SRGAP3: variants seen among roughly 807,000 people sequenced by gnomAD.
The protein encoded by SRGAP3 is SLIT-ROBO Rho GTPase activating protein 3, also known as SLIT-ROBO Rho GTPase-activating protein 3.
In SRGAP3, 39 loss-of-function variants were observed where a neutral mutation model predicts 121.1. The ratio of observed to expected loss-of-function variants is 0.32; its 90% CI spans 0.25 to 0.42. SRGAP3 has a LOEUF of 0.42. Among genes scored for constraint, SRGAP3 ranks in the 10% least tolerant of loss-of-function variants. The pLI, the probability that SRGAP3 is intolerant of heterozygous loss-of-function variation, is 1.00. For missense variants in SRGAP3, 1,213 were observed against 1,470.6 expected, an observed-to-expected ratio of 0.82 and a Z score of 2.86; for synonymous variants, 601 against 570.0, an observed-to-expected ratio of 1.05 and a Z score of -0.77.
At chr3:9,191,605 C>A (rs971831669) in intron 1 of SRGAP3, among the ~76,000 whole-genome samples, 1 of 152,136 alleles carries the variant, frequency 6.6e-6, no homozygotes, top group African/African-American at 2.4e-5. Context: ...GAATTCAAGG[C>A]AGAAGGAACA....
intron 3 of SRGAP3, among the ~76,000 whole-genome samples, chr3:9,301,997 T>G (rs57153919): frequency 6.6e-6 from 1 of 152,064 alleles, no homozygotes; most frequent in African/African-American, 2.4e-5. Flanking sequence ...ACCTAAACTC[T>G]TCTATCCAGG....
intron 1 of SRGAP3, among the ~76,000 whole-genome samples, chr3:9,203,688 T>C (rs547546362): frequency 2.0e-5 from 3 of 152,338 alleles, no homozygotes; most frequent in Non-Finnish European, 4.4e-5. Flanking sequence ...GTTTATTCAA[T>C]ATTGTATGCC....
chr3:9,191,230 T>C (rs1574841916), intron 1 of SRGAP3, among the ~76,000 whole-genome samples: 1 of 152,056 alleles, frequency 6.6e-6, no homozygotes, highest in East Asian at 1.9e-4. Flanking sequence ...CACTATGGTC[T>C]CCCGGATTAT....
intron 1 of SRGAP3, among the ~76,000 whole-genome samples, chr3:9,182,556 T>C (rs1951448048): frequency 6.6e-6 from 1 of 152,172 alleles, no homozygotes; most frequent in Non-Finnish European, 1.5e-5. Context: ...AGACAATACA[T>C]TTCTGTGGGT....
At chr3:9,068,828 T>C (rs1354083283) in intron 4 of SRGAP3, among the ~76,000 whole-genome samples, 2 of 152,194 alleles carry the variant, frequency 1.3e-5, no homozygotes, top group Non-Finnish European at 2.9e-5. Context: ...AGCATTTCAA[T>C]GAGTCCTTTC....
At chr3:9,339,285 G>A (rs749859877) in intron 1 of SRGAP3, among the ~76,000 whole-genome samples, 1 of 152,148 alleles carries the variant, frequency 6.6e-6, no homozygotes, top group African/African-American at 2.4e-5. Context: ...TCCCACTTAC[G>A]ACTATACCAA....
intron 1 of SRGAP3, among the ~76,000 whole-genome samples, chr3:9,236,635 C>T (rs1953420998): frequency 6.6e-6 from 1 of 152,124 alleles, no homozygotes; most frequent in South Asian, 2.1e-4. Context: ...TTCCCCTTCA[C>T]CTTCTGCCAT....
intron 1 of SRGAP3, among the ~76,000 whole-genome samples, chr3:9,145,900 T>C (rs1950007305): frequency 6.6e-6 from 1 of 152,188 alleles, no homozygotes; most frequent in Admixed American, 6.5e-5. Flanking sequence ...GTATGTGACC[T>C]GTTCAGGGAC....
intron 3 of SRGAP3, among the ~76,000 whole-genome samples, chr3:9,305,578 G>A (rs1321116792): frequency 6.6e-6 from 1 of 151,142 alleles, no homozygotes; most frequent in Non-Finnish European, 1.5e-5. Flanking sequence ...CCCCCCGACA[G>A]GCCCCAGTGT....
chr3:8,988,907 T>C (rs1044866365), intron 21 of SRGAP3, among the ~76,000 whole-genome samples: 1 of 152,190 alleles, frequency 6.6e-6, no homozygotes, highest in Non-Finnish European at 1.5e-5. Flanking sequence ...GCTCACGCAA[T>C]AATGCTGGCT....
At chr3:9,079,617 A>T (rs1253600525) in intron 4 of SRGAP3, among the ~76,000 whole-genome samples, 1 of 152,120 alleles carries the variant, frequency 6.6e-6, no homozygotes, top group African/African-American at 2.4e-5. Flanking sequence ...CAAACTGCCC[A>T]CCTGCCTATG....
In SRGAP3 at chr3:9,105,414, A is replaced by G. The variant is rs528494307; in HGVS notation, c.261-572T>C. Among the ~76,000 whole-genome samples the G allele has an allele frequency of 3.3e-5, 5 of 152,324 alleles. No homozygotes were observed. The East Asian group carries it at 9.6e-4, about 29-fold the overall frequency. ...ATTCTGTGTTCAGGAGGAAGGGTTA[A>G]GGAAAATGCAAGTACCTACAAGACA... On this transcript the variant is annotated intron_variant, in intron 2 of 21. Coordinates refer to ENST00000383836, the MANE Select transcript of SRGAP3 (RefSeq NM_014850.4).
chr3:9,077,609 G>T (rs1462706656), intron 4 of SRGAP3, among the ~76,000 whole-genome samples: 1 of 152,206 alleles, frequency 6.6e-6, no homozygotes, highest in Non-Finnish European at 1.5e-5. Context: ...AAATGGCAAG[G>T]CATGGCTTGT....
At chr3:9,003,546 C>A (rs1942888872) in intron 18 of SRGAP3, among the ~76,000 whole-genome samples, 2 of 152,102 alleles carry the variant, frequency 1.3e-5, no homozygotes, top group Non-Finnish European at 2.9e-5. Context: ...ATAAAAAGAA[C>A]TATCCTCCAT....
chr3:9,038,391 T>C (rs1234231531), intron 10 of SRGAP3, among the ~76,000 whole-genome samples: 1 of 152,256 alleles, frequency 6.6e-6, no homozygotes, highest in Non-Finnish European at 1.5e-5. Flanking sequence ...TTGTTAAAGA[T>C]GCAGATTTCT....
chr3:9,292,571 A>T (rs1954887734), intron 3 of SRGAP3: 1 of 152,236 alleles, frequency 6.6e-6, no homozygotes, highest in African/African-American at 2.4e-5. Flanking sequence ...CAAATAAAAG[A>T]CATTTATCAA....
intron 1 of SRGAP3, among the ~76,000 whole-genome samples, chr3:9,210,106 T>C (rs966067346): frequency 4.6e-5 from 7 of 150,814 alleles, no homozygotes; most frequent in Admixed American, 4.0e-4. Context: ...AAAAGGCAAA[T>C]CTATAGAGGC....
intron 1 of SRGAP3, chr3:9,348,720 G>A: frequency 8.0e-7 from 1 of 1,244,184 alleles, no homozygotes; most frequent in African/African-American, 1.5e-5. Context: ...CACTCTGGGG[G>A]TCTGATCGGT....
chr3:9,311,336 G>A lies in SRGAP3; in HGVS notation n.442+14674C>T, dbSNP rs757545653. On this transcript the variant is annotated intron_variant and non_coding_transcript_variant, in intron 3 of 3. Transcript: ENST00000490889. ...CATTTCAATACACGTAAAGTGCAAG[G>A]TAACGTACTTCAGGAAAAAGTGCAC... 8.0e-4 allele frequency among the ~76,000 whole-genome samples: 122 copies of A among 152,274 alleles called. 1 individual carries two copies. Among genetic ancestry groups the A allele is most frequent in the Non-Finnish European group, 1.6e-3 (109 of 68,028 alleles).
Sources: gnomAD v4.1 joint callset for allele counts (sites outside exome capture counted in the v4.1 genomes callset) on GRCh38, gnomAD v4.1.1 for gene constraint, MANE v1.5 for transcripts, NCBI Gene and HGNC (gene_info 2026-07-23, HGNC 2026-07-21) for gene names.